AKT3: variants seen among roughly 807,000 people sequenced by gnomAD.
The protein encoded by AKT3 is AKT serine/threonine kinase 3.
AKT3 carries 15 observed loss-of-function variants against 65.3 expected under a neutral mutation model. That is an observed-to-expected ratio of 0.23 (90% CI 0.15 to 0.35). AKT3 has a LOEUF of 0.35. Among genes scored for constraint, AKT3 ranks in the 10% least tolerant of loss-of-function variants. The pLI is 1.00. For synonymous variants in AKT3, 206 were observed against 183.8 expected (o/e 1.12, Z -0.98); for missense variants, 243 against 576.5 (o/e 0.42, Z 5.92).
At position 243,550,386 on chromosome 1, in the gene AKT3, G is replaced by A. The variant is rs549329935; in HGVS notation, c.1163+2343C>T. ...ATTGTTCTATTAATACATACTAGGC[G>A]GTTAACATTCTAAGAATTTGCCTCA... On this transcript the variant is annotated intron_variant, in intron 11 of 13. Transcript: ENST00000673466. Among the ~76,000 whole-genome samples, 8 of 152,090 alleles carry A rather than the reference G, an allele frequency of 5.3e-5. No individual in the cohort carries two copies. In the South Asian group the frequency reaches 6.2e-4, roughly 12 times the overall value.
At chr1:243,571,326 C>G (rs1313211409) in intron 9 of AKT3, among the ~76,000 whole-genome samples, 5 of 152,148 alleles carry the variant, frequency 3.3e-5, no homozygotes, top group African/African-American at 4.8e-5. Flanking sequence ...AAAACACACA[C>G]ACACATACCC....
chr1:243,723,321 A>C (rs897654079), intron 2 of AKT3, among the ~76,000 whole-genome samples: 7 of 152,352 alleles, frequency 4.6e-5, no homozygotes, highest in African/African-American at 1.7e-4. Context: ...GAAGAAAGAA[A>C]GAGCCATACT....
intron 2 of AKT3, among the ~76,000 whole-genome samples, chr1:243,803,409 TAG>T (rs1692498867): frequency 6.6e-6 from 1 of 152,272 alleles, no homozygotes; most frequent in African/African-American, 2.4e-5. Flanking sequence ...GTTATCCACA[TAG>T]AGTTACTTCA....
At chr1:243,606,372 GT>G (rs1677419036) in intron 8 of AKT3, among the ~76,000 whole-genome samples, 1 of 152,200 alleles carries the variant, frequency 6.6e-6, no homozygotes, top group Non-Finnish European at 1.5e-5. Flanking sequence ...GGACAATAAA[GT>G]CCAGGCTGAG....
At chr1:243,850,666 GGCGGGAGCGGCTTCCCC>G (rs1410317693), upstream of AKT3, among the ~76,000 whole-genome samples, 7 of 151,626 alleles carry the variant, frequency 4.6e-5, no homozygotes, top group East Asian at 1.4e-3. Flanking sequence ...CTCGGCGACT[GGCGGGAGCGGCTTCCCC>G]GCGTCCCCGG....
intron 3 of AKT3, among the ~76,000 whole-genome samples, chr1:243,686,155 A>G (rs1392272795): frequency 6.6e-6 from 1 of 152,188 alleles, no homozygotes; most frequent in Non-Finnish European, 1.5e-5. Flanking sequence ...AGAAAGGATC[A>G]ATATCGTGAA....
chr1:243,724,546 T>C (rs541513186), intron 2 of AKT3, among the ~76,000 whole-genome samples: 1 of 152,298 alleles, frequency 6.6e-6, no homozygotes, highest in Admixed American at 6.5e-5. Context: ...CATAATAATT[T>C]AAGGGAATGA....
At chr1:243,542,930 G>A (rs913200251) in intron 12 of AKT3, among the ~76,000 whole-genome samples, 9 of 152,152 alleles carry the variant, frequency 5.9e-5, no homozygotes, top group Admixed American at 5.2e-4. Flanking sequence ...CCGTGAGTAA[G>A]CCTGTAGATG....
rs138681808 is a variant in AKT3, at chr1:243,666,279, C to T, written c.173-1396G>A. Among the ~76,000 whole-genome samples the T allele has an allele frequency of 8.3e-3, 1,257 of 152,246 alleles. 16 individuals carry two copies. Among genetic ancestry groups the T allele is most frequent in the African/African-American group, 0.029 (1,209 of 41,530 alleles). On this transcript the variant is annotated intron_variant, in intron 3 of 13. Coordinates refer to ENST00000673466, the MANE Select transcript of AKT3 (RefSeq NM_005465.7). Reference sequence around the variant, plus strand: ...TCGGCCTCCCAAAGTGCTGGGATTACGGGCTTGATCCACCGTATCCAGCCC... The same window carrying T: ...TCGGCCTCCCAAAGTGCTGGGATTATGGGCTTGATCCACCGTATCCAGCCC...
At chr1:243,591,862 C>T (rs1291464116) in intron 8 of AKT3, among the ~76,000 whole-genome samples, 1 of 151,298 alleles carries the variant, frequency 6.6e-6, no homozygotes, top group African/African-American at 2.4e-5. Flanking sequence ...AGAGAAAAGA[C>T]TGAAAAAAAG....
intron 3 of AKT3, among the ~76,000 whole-genome samples, chr1:243,679,916 C>T (rs534906128): frequency 1.3e-5 from 2 of 152,188 alleles, no homozygotes; most frequent in South Asian, 4.1e-4. Flanking sequence ...AATATTTTAA[C>T]AAAATGTTAC....
At chr1:243,543,053 AATAATT>A (rs1468384334) in intron 12 of AKT3, among the ~76,000 whole-genome samples, 1 of 152,168 alleles carries the variant, frequency 6.6e-6, no homozygotes, top group Non-Finnish European at 1.5e-5. Flanking sequence ...ATTAAAAAAA[AATAATT>A]ATAACAACTT....
rs75004985 is a variant in AKT3 at position 243,638,537 on chromosome 1, C to T, written c.430-795G>A. The stretch of plus-strand genomic sequence containing the variant: ...GCATTTGTGCCCTAATGCCCCTCCC[C>T]GACCCAGCTTTTCATTTTTGTGGAC... On this transcript the variant is annotated intron_variant, in intron 5 of 13. Coordinates refer to ENST00000673466, the MANE Select transcript of AKT3 (RefSeq NM_005465.7). 4.8e-3 allele frequency among the ~76,000 whole-genome samples: 734 copies of T among 152,200 alleles called. 6 individuals are homozygous for T. Among genetic ancestry groups the T allele is most frequent in the African/African-American group, 0.017 (691 of 41,532 alleles).
intron 2 of AKT3, among the ~76,000 whole-genome samples, chr1:243,713,867 C>T (rs911568109): frequency 6.6e-6 from 1 of 151,756 alleles, no homozygotes; most frequent in Non-Finnish European, 1.5e-5. Flanking sequence ...CAGCTCCTCC[C>T]TTAACAAAGC....
At position 243,761,514 on chromosome 1, in the gene AKT3, T is replaced by A. The variant is rs376007994; in HGVS notation, c.47-65798A>T. 4.4e-4 allele frequency among the ~76,000 whole-genome samples: 67 copies of A among 152,202 alleles called. 2 individuals are homozygous for A. The highest frequency in any genetic ancestry group is 2.3e-3 in the East Asian group (12 of 5,178). On this transcript the variant is annotated intron_variant, in intron 2 of 13. Transcript: ENST00000673466. ...TCAATGGATAAATGGATAAACAATA[T>A]GTGGCATATACATACAATGGAACAT... is the stretch of plus-strand genomic sequence containing the variant.
At chr1:243,570,324 G>A (rs1674469320) in intron 9 of AKT3, among the ~76,000 whole-genome samples, 1 of 152,150 alleles carries the variant, frequency 6.6e-6, no homozygotes, top group African/African-American at 2.4e-5. Flanking sequence ...ATCAAAGTGG[G>A]TACCTAAATC....
intron 4 of AKT3, among the ~76,000 whole-genome samples, chr1:243,661,398 A>C (rs889631972): frequency 2.6e-5 from 4 of 151,936 alleles, no homozygotes; most frequent in African/African-American, 4.8e-5. Context: ...CTCAGAAATG[A>C]CGCATATCTA....
At chr1:243,727,602 G>A (rs376865868) in intron 2 of AKT3, among the ~76,000 whole-genome samples, 1 of 152,044 alleles carries the variant, frequency 6.6e-6, no homozygotes, top group African/African-American at 2.4e-5. Flanking sequence ...TTATTATAAG[G>A]ACTCTTACTC....
At chr1:243,782,593 G>T (rs1690984203) in intron 2 of AKT3, among the ~76,000 whole-genome samples, 1 of 152,124 alleles carries the variant, frequency 6.6e-6, no homozygotes, top group South Asian at 2.1e-4. Context: ...TAGGAATTTG[G>T]GGAGGTAGGG....
Sources: allele counts gnomAD v4.1 joint callset (sites outside exome capture counted in the v4.1 genomes callset), GRCh38; gene constraint gnomAD v4.1.1; transcripts MANE v1.5; gene names NCBI Gene and HGNC (gene_info 2026-07-23, HGNC 2026-07-21).